GALNTL6: variants seen among roughly 807,000 people sequenced by gnomAD.
GALNTL6 encodes polypeptide N-acetylgalactosaminyltransferase-like 6.
A neutral mutation model predicts 73.7 loss-of-function variants in GALNTL6; 46 were observed. That is an observed-to-expected ratio of 0.62 (90% CI 0.49 to 0.80). The LOEUF (loss-of-function observed/expected upper bound fraction) is 0.80. Among genes scored for constraint, GALNTL6 ranks in the 30% least tolerant of loss-of-function variants. The probability of loss-of-function intolerance (pLI) is 0.00; values close to 1 mark genes in which losing one functional copy is unlikely to be tolerated. For missense variants in GALNTL6, 604 were observed against 755.0 expected (o/e 0.80, Z 2.34); for synonymous variants, 259 against 263.7 (o/e 0.98, Z 0.17).
intron 5 of GALNTL6, among the ~76,000 whole-genome samples, chr4:172,678,637 C>T (rs553304315): frequency 6.6e-6 from 1 of 152,286 alleles, no homozygotes; most frequent in Admixed American, 6.5e-5. Context: ...TCTTCTTTTC[C>T]ATACATTGAA....
At chr4:172,043,320 T>A (rs1229892615) in intron 2 of GALNTL6, among the ~76,000 whole-genome samples, 1 of 151,946 alleles carries the variant, frequency 6.6e-6, no homozygotes, top group South Asian at 2.1e-4. Context: ...TTATTACCAT[T>A]CGTATTATTT....
At chr4:172,432,200 T>C (rs993919781) in intron 5 of GALNTL6, among the ~76,000 whole-genome samples, 2 of 151,628 alleles carry the variant, frequency 1.3e-5, no homozygotes, top group African/African-American at 4.8e-5. Flanking sequence ...TGAAAAGACA[T>C]GAAATATTAC....
intron 2 of GALNTL6, among the ~76,000 whole-genome samples, chr4:171,841,068 G>T (rs1198053278): frequency 1.3e-5 from 2 of 152,168 alleles, no homozygotes; most frequent in African/African-American, 4.8e-5. Flanking sequence ...GGGTGGCTGT[G>T]AACAAAACCT....
At chr4:172,040,761 A>G (rs1243900255) in intron 2 of GALNTL6, among the ~76,000 whole-genome samples, 2 of 152,072 alleles carry the variant, frequency 1.3e-5, no homozygotes, top group African/African-American at 2.4e-5. Context: ...CAGGATTCCA[A>G]CTGCAATTCC....
rs58953734 is a variant in GALNTL6, at chr4:172,069,535, A to ATGTTATATGTATGACACATATATG, written c.139-160120_139-160119insGTTATATGTATGACACATATATGT. ...TATATGTTATATGTATAACACATAT[A>ATGTTATATGTATGACACATATATG]TTATATATAACACATATATGTTATA... On this transcript the variant is annotated intron_variant, in intron 2 of 12. Transcript: ENST00000506823. 1.8e-3 allele frequency among the ~76,000 whole-genome samples: 98 copies of ATGTTATATGTATGACACATATATG among 55,964 alleles called. 7 individuals are homozygous for ATGTTATATGTATGACACATATATG. Among genetic ancestry groups the ATGTTATATGTATGACACATATATG allele is most frequent in the South Asian group, 3.0e-3 (6 of 2,008 alleles). 36.7% of individuals were successfully genotyped at this position (55,964 alleles called of 152,430 possible). A position where few individuals can be genotyped will look rare whatever the true frequency, so the allele number is the denominator to read the frequency against.
chr4:172,722,493 C>G (rs1388836327), intron 5 of GALNTL6, among the ~76,000 whole-genome samples: 1 of 152,044 alleles, frequency 6.6e-6, no homozygotes, highest in Non-Finnish European at 1.5e-5. Context: ...CATAAAATAG[C>G]TTGAGTGAGT....
At chr4:171,836,692 C>G (rs1054431393) in intron 2 of GALNTL6, among the ~76,000 whole-genome samples, 2 of 152,064 alleles carry the variant, frequency 1.3e-5, no homozygotes, top group Non-Finnish European at 2.9e-5. Context: ...ACACATTCAA[C>G]TTTTTCAGTC....
intron 5 of GALNTL6, among the ~76,000 whole-genome samples, chr4:172,396,297 T>G (rs1326175280): frequency 7.5e-6 from 1 of 133,778 alleles, no homozygotes; most frequent in Non-Finnish European, 1.5e-5. Flanking sequence ...TAACTGCAAT[T>G]ACTATTTTCT....
chr4:172,938,310 G>A (rs907131012), intron 9 of GALNTL6, among the ~76,000 whole-genome samples: 3 of 152,156 alleles, frequency 2.0e-5, no homozygotes, highest in African/African-American at 4.8e-5. Flanking sequence ...GGAGGTGGAG[G>A]AGGAGGGCTT....
chr4:172,824,573 A>G (rs911151466), intron 7 of GALNTL6, among the ~76,000 whole-genome samples: 1 of 152,028 alleles, frequency 6.6e-6, no homozygotes, highest in African/African-American at 2.4e-5. Context: ...CTTCAAATGT[A>G]AGTTGCTTTT....
intron 5 of GALNTL6, among the ~76,000 whole-genome samples, chr4:172,421,406 A>G (rs1221225662): frequency 6.6e-6 from 1 of 152,062 alleles, no homozygotes; most frequent in East Asian, 1.9e-4. Context: ...GCTGTGTGCT[A>G]TAATATGCTG....
chr4:172,853,859 A>C (rs1012283587), intron 7 of GALNTL6, among the ~76,000 whole-genome samples: 1 of 152,168 alleles, frequency 6.6e-6, no homozygotes, highest in African/African-American at 2.4e-5. Flanking sequence ...TTGGCAAAGT[A>C]ATTTAGACTC....
chr4:171,837,183 C>A (rs1019949926), intron 2 of GALNTL6, among the ~76,000 whole-genome samples: 1 of 152,030 alleles, frequency 6.6e-6, no homozygotes, highest in African/African-American at 2.4e-5. Flanking sequence ...AGATATACAA[C>A]CTGAATCAAA....
intron 5 of GALNTL6, among the ~76,000 whole-genome samples, chr4:172,551,242 T>A (rs1735944399): frequency 6.6e-6 from 1 of 152,198 alleles, no homozygotes; most frequent in African/African-American, 2.4e-5. Flanking sequence ...TTCTATCATT[T>A]TAATTGAAAT....
intron 2 of GALNTL6, among the ~76,000 whole-genome samples, chr4:171,838,134 A>ATTTAT (rs1553963506): frequency 6.6e-6 from 1 of 150,588 alleles, no homozygotes; most frequent in African/African-American, 2.5e-5. Flanking sequence ...TTATTTATTT[A>ATTTAT]TTTTTTGAGA....
In GALNTL6 at chr4:171,893,527, G is replaced by A. The variant is rs185425573; in HGVS notation, c.138+78809G>A. Among the ~76,000 whole-genome samples, 249 of 152,176 alleles carry A rather than the reference G, an allele frequency of 1.6e-3. 1 individual carries two copies. Among genetic ancestry groups the A allele is most frequent in the African/African-American group, 4.2e-3 (173 of 41,518 alleles). On this transcript the variant is annotated intron_variant, in intron 2 of 12. Transcript: ENST00000506823. ...TACAATTAGGTTAATTTTTTGTCAC[G>A]TATTTTACATAGATGTAGAAAATAG...
chr4:172,379,534 C>T (rs1382786423), intron 5 of GALNTL6, among the ~76,000 whole-genome samples: 1 of 4,666 alleles, frequency 2.1e-4, no homozygotes, highest in African/African-American at 2.5e-4. Context: ...GAGACTCCGT[C>T]TCAAAAAAAA....
At chr4:172,604,886 G>T (rs1334254120) in intron 5 of GALNTL6, among the ~76,000 whole-genome samples, 1 of 152,168 alleles carries the variant, frequency 6.6e-6, no homozygotes, top group Non-Finnish European at 1.5e-5. Context: ...AGTGATTTCT[G>T]AGAAGCAAAC....
At position 172,747,522 on chromosome 4, in the gene GALNTL6, T is replaced by C. The variant is rs1039585413; in HGVS notation, c.554-61839T>C. Among the ~76,000 whole-genome samples the C allele has an allele frequency of 3.3e-5, 5 of 152,220 alleles. No individual in the cohort carries two copies. The East Asian group carries it at 7.7e-4, about 23-fold the overall frequency. On this transcript the variant is annotated intron_variant, in intron 5 of 12. Coordinates refer to ENST00000506823, the MANE Select transcript of GALNTL6 (RefSeq NM_001034845.3). ...TATCAAAAAGATGAAAGGTAAATGT[T>C]GACCAGGATTTGAAGAAAAGGGAAC...
Sources: allele counts gnomAD v4.1 joint callset (sites outside exome capture counted in the v4.1 genomes callset), GRCh38; gene constraint gnomAD v4.1.1; transcripts MANE v1.5; gene names NCBI Gene and HGNC (gene_info 2026-07-23, HGNC 2026-07-21).